PSD3: variants seen among roughly 807,000 people sequenced by gnomAD.
PSD3 encodes PH and SEC7 domain-containing protein 3.
PSD3 carries 49 observed loss-of-function variants against 105.5 expected under a neutral mutation model. That is an observed-to-expected ratio of 0.46 (90% confidence interval 0.37 to 0.59). PSD3 has a LOEUF of 0.59. Among genes scored for constraint, PSD3 ranks in the 20% least tolerant of loss-of-function variants. PSD3 has a pLI of 0.00. For synonymous variants in PSD3, 557 were observed against 457.8 expected (o/e 1.22, Z -2.77); for missense variants, 1,561 against 1,263.8 (o/e 1.24, Z -3.57).
At position 18,556,365 on chromosome 8, in the gene PSD3, A is replaced by G. The variant is rs2260920; in HGVS notation, c.2785-13T>C. ...TCAGTTGCTCCTCCTGCAGGAAATCATGATGCCATTTAGCGTTCAAAAAAA... is the reference window on the plus strand; with the variant it reads ...TCAGTTGCTCCTCCTGCAGGAAATCGTGATGCCATTTAGCGTTCAAAAAAA... On this transcript the variant is annotated splice_polypyrimidine_tract_variant and intron_variant, in intron 14 of 15. Transcript: ENST00000327040. The G allele has an allele frequency of 1, 1,604,906 of 1,606,486 alleles. 801,685 individuals carry two copies. Among genetic ancestry groups the G allele is most frequent in the South Asian group, 1 (89,317 of 89,318 alleles).
chr8:18,799,650 T>G (rs1810510296), intron 7 of PSD3, among the ~76,000 whole-genome samples: 1 of 152,198 alleles, frequency 6.6e-6, no homozygotes, highest in Admixed American at 6.5e-5. Context: ...TTCTAGGGCT[T>G]TGCACTACAG....
At chr8:18,841,986 C>A (rs114277580) in intron 4 of PSD3, among the ~76,000 whole-genome samples, 1 of 152,188 alleles carries the variant, frequency 6.6e-6, no homozygotes, top group Non-Finnish European at 1.5e-5. Flanking sequence ...ACCCTGCCCA[C>A]GTGTCACAGG....
rs17126954 is a variant in PSD3 at position 18,631,487 on chromosome 8, T to G, written c.2410+1126A>C. On this transcript the variant is annotated intron_variant, in intron 11 of 15. Coordinates refer to ENST00000327040, the MANE Select transcript of PSD3 (RefSeq NM_015310.4). ...CTATAGCACTGCTAATAACCATGTA[T>G]AAAGGACCTCATTCCAAAGAATAAT... 9.6e-3 allele frequency among the ~76,000 whole-genome samples: 1,453 copies of G among 152,042 alleles called. 18 individuals carry two copies. Among genetic ancestry groups the G allele is most frequent in the African/African-American group, 0.033 (1,382 of 41,512 alleles).
chr8:19,018,337 G>C (rs1827239299), upstream of PSD3, among the ~76,000 whole-genome samples: 1 of 148,344 alleles, frequency 6.7e-6, no homozygotes, highest in Non-Finnish European at 1.5e-5. Context: ...TTTATGCAAT[G>C]ATTAATATTA....
intron 6 of PSD3, 86 bp from the exon 7 acceptor site, chr8:18,801,468 C>G (rs1481037704): frequency 2.8e-6 from 2 of 718,720 alleles, no homozygotes; most frequent in Non-Finnish European, 2.4e-6. Context: ...TTATATAAAC[C>G]TAAGATATTA....
chr8:18,573,785 G>C (rs998527580), intron 13 of PSD3, among the ~76,000 whole-genome samples: 3 of 152,166 alleles, frequency 2.0e-5, no homozygotes, highest in African/African-American at 7.2e-5. Flanking sequence ...CCTGGGGCTG[G>C]AGGTGAGAAT....
At chr8:18,994,600 T>C (rs1825971192) in intron 1 of PSD3, among the ~76,000 whole-genome samples, 1 of 152,050 alleles carries the variant, frequency 6.6e-6, no homozygotes, top group South Asian at 2.1e-4. Flanking sequence ...GATTTCTAAG[T>C]ACAAGCAAAG....
chr8:18,941,412 C>G (rs1342783120), intron 1 of PSD3, among the ~76,000 whole-genome samples: 2 of 144,946 alleles, frequency 1.4e-5, no homozygotes, highest in African/African-American at 5.2e-5. Context: ...ACCAGCTTCA[C>G]AGACACTTCA....
chr8:18,750,511 A>G (rs943123132), intron 9 of PSD3, among the ~76,000 whole-genome samples: 4 of 152,062 alleles, frequency 2.6e-5, no homozygotes, highest in Non-Finnish European at 5.9e-5. Flanking sequence ...CGTGGACCCA[A>G]AGAGTGAGCA....
chr8:18,702,243 C>T (rs1430068540), intron 9 of PSD3, among the ~76,000 whole-genome samples: 1 of 152,200 alleles, frequency 6.6e-6, no homozygotes, highest in East Asian at 1.9e-4. Flanking sequence ...TCTCTCAGAT[C>T]CACATTCTCC....
At chr8:18,743,407 T>G (rs1003320033) in intron 9 of PSD3, among the ~76,000 whole-genome samples, 1 of 152,116 alleles carries the variant, frequency 6.6e-6, no homozygotes, top group South Asian at 2.1e-4. Flanking sequence ...ATGGTCCTCT[T>G]TAGAAAATGT....
rs1200487558 is a variant in PSD3, at chr8:18,968,895, A to C, written c.22-32753T>G. On this transcript the variant is annotated intron_variant, in intron 1 of 15. Coordinates refer to ENST00000327040, the MANE Select transcript of PSD3 (RefSeq NM_015310.4). ...AAATGTCTCCAAAAAAAAAAAAAAA[A>C]AAAAAAACTCCACCCACAAAAATAT... 4.3e-3 allele frequency among the ~76,000 whole-genome samples: 649 copies of C among 151,064 alleles called. 5 individuals carry two copies. The highest frequency in any genetic ancestry group is 7.4e-3 in the Admixed American group (113 of 15,194).
chr8:18,946,602 T>C (rs1402690855), intron 1 of PSD3, among the ~76,000 whole-genome samples: 1 of 150,094 alleles, frequency 6.7e-6, no homozygotes, highest in African/African-American at 2.5e-5. Flanking sequence ...CATTAAATAA[T>C]AAAATAAATA....
At chr8:18,537,910 C>T (rs1054100664) in intron 15 of PSD3, among the ~76,000 whole-genome samples, 2 of 152,190 alleles carry the variant, frequency 1.3e-5, no homozygotes, top group African/African-American at 4.8e-5. Context: ...CTCCTGACCT[C>T]AGGTGATCCA....
chr8:18,981,652 G>A lies in PSD3; in HGVS notation c.21+31911C>T, dbSNP rs182662519. ...ACAATAAAGCAAACATCACAATAAAGTGAATCACTCCAGTGATTCACTGTG... is the reference window on the plus strand; with the variant it reads ...ACAATAAAGCAAACATCACAATAAAATGAATCACTCCAGTGATTCACTGTG... On this transcript the variant is annotated intron_variant, in intron 1 of 15. Coordinates refer to ENST00000327040, the MANE Select transcript of PSD3 (RefSeq NM_015310.4). Among the ~76,000 whole-genome samples the A allele has an allele frequency of 1.8e-4, 22 of 122,578 alleles. No individual in the cohort carries two copies. The East Asian group carries it at 3.2e-3, about 18-fold the overall frequency. 80.4% of individuals were successfully genotyped at this position (122,578 alleles called of 152,430 possible). A position where few individuals can be genotyped will look rare whatever the true frequency, so the allele number is the denominator to read the frequency against.
intron 14 of PSD3, among the ~76,000 whole-genome samples, chr8:18,571,649 C>A (rs1418883773): frequency 6.6e-6 from 1 of 152,214 alleles, no homozygotes; most frequent in Non-Finnish European, 1.5e-5. Context: ...GTACAACAGG[C>A]ACACAATACA....
chr8:18,834,095 G>A (rs1813900592), intron 4 of PSD3, among the ~76,000 whole-genome samples: 2 of 152,294 alleles, frequency 1.3e-5, no homozygotes, highest in African/African-American at 4.8e-5. Context: ...AATAAACATT[G>A]TAAAGATGTT....
intron 4 of PSD3, among the ~76,000 whole-genome samples, chr8:18,807,649 C>T (rs1586077033): frequency 1.3e-5 from 2 of 152,342 alleles, no homozygotes; most frequent in East Asian, 3.9e-4. Context: ...TTAACTGGAA[C>T]TGACCCAGGC....
At chr8:18,949,238 AAAAAAAATATATATAT>A (rs1311908621) in intron 1 of PSD3, among the ~76,000 whole-genome samples, 277 of 43,702 alleles carry the variant, frequency 6.3e-3, no homozygotes, top group African/African-American at 0.018. Flanking sequence ...AAAAAAAAAA[AAAAAAAATATATATAT>A]ATATATATAT....
Sources: allele counts gnomAD v4.1 joint callset (sites outside exome capture counted in the v4.1 genomes callset), GRCh38; gene constraint gnomAD v4.1.1; transcripts MANE v1.5; gene names NCBI Gene and HGNC (gene_info 2026-07-23, HGNC 2026-07-21).